The following FLRT2 variants were observed in gnomAD, a reference collection of about 807,000 sequenced individuals.
FLRT2 encodes the protein fibronectin leucine rich transmembrane protein 2, also known as leucine-rich repeat transmembrane protein FLRT2.
Under a neutral mutation model 40.0 loss-of-function variants are expected in FLRT2, and 15 were observed. The observed-to-expected ratio is 0.38, with a 90% CI of 0.25 to 0.58. The LOEUF (loss-of-function observed/expected upper bound fraction) is 0.58, where lower values mean the gene tolerates loss of function less well. Ranked by LOEUF, FLRT2 falls within the 20% of genes least tolerant of loss-of-function variation. The pLI, the probability that FLRT2 is intolerant of heterozygous loss-of-function variation, is 0.71. For synonymous variants in FLRT2, 380 were observed against 336.8 expected, an observed-to-expected ratio of 1.13 and a Z score of -1.41; for missense variants, 726 against 840.0, an observed-to-expected ratio of 0.86 and a Z score of 1.68.
At chr14:85,541,129 A>G (rs946876232) in intron 1 of FLRT2, among the ~76,000 whole-genome samples, 1 of 152,192 alleles carries the variant, frequency 6.6e-6, no homozygotes, top group Non-Finnish European at 1.5e-5. Flanking sequence ...CTTTTTCCAA[A>G]TAGGTCTTAG....
intron 1 of FLRT2, among the ~76,000 whole-genome samples, chr14:85,579,951 A>G (rs1891311968): frequency 1.6e-5 from 1 of 64,338 alleles, no homozygotes; most frequent in Non-Finnish European, 3.4e-5. Context: ...TTTTTTTTAA[A>G]TAAGTGGTTA....
intron 1 of FLRT2, among the ~76,000 whole-genome samples, chr14:85,533,190 G>GGAGCGCGCCA (rs1304072811): frequency 6.6e-6 from 1 of 152,066 alleles, no homozygotes; most frequent in Admixed American, 6.6e-5. Context: ...CTCCAGGAGC[G>GGAGCGCGCCA]GAGCGCGCCA....
Position 85,621,493 on chromosome 14 carries a change from A to G in FLRT2, c.-22A>G, listed in dbSNP as rs749242316. The G allele has an allele frequency of 1.3e-6, 2 of 1,547,186 alleles. No homozygotes were observed. Among genetic ancestry groups the G allele is most frequent in the African/African-American group, 2.8e-5 (2 of 70,528 alleles). On this transcript the variant is annotated 5_prime_UTR_variant, in exon 2 of 2. Transcript: ENST00000330753. ...CTTTTTCTTTTTCCCACCACATTGT[A>G]TTTTATTTCCGTACTTCAGAAATGG...
chr14:85,534,527 T>A (rs972902836), intron 1 of FLRT2, among the ~76,000 whole-genome samples: 5 of 152,162 alleles, frequency 3.3e-5, no homozygotes, highest in Non-Finnish European at 5.9e-5. Context: ...AATAGGAACT[T>A]TAGAAGTTAC....
intron 1 of FLRT2, among the ~76,000 whole-genome samples, chr14:85,569,492 C>A (rs931289216): frequency 1.3e-5 from 2 of 152,154 alleles, no homozygotes; most frequent in African/African-American, 4.8e-5. Context: ...GCAGCAAACA[C>A]CACCCACACT....
chr14:85,649,335 A>T lies in FLRT2; in HGVS notation c.*25838A>T, dbSNP rs1720035298. 6.6e-6 allele frequency: 1 copy of T among 152,130 alleles called. No individual in the cohort carries two copies. The highest frequency in any genetic ancestry group is 1.5e-5 in the Non-Finnish European group (1 of 68,000). The allele number at this position is 152,130 out of a possible 1,614,324, so 9.4% of individuals were successfully genotyped here. On this transcript the variant is annotated 3_prime_UTR_variant, in exon 2 of 2. Coordinates refer to ENST00000330753, the MANE Select transcript of FLRT2 (RefSeq NM_013231.6). ...CTGAAGCAGATAAAATATGTTGCAG[A>T]TGCTGTAACTCTTATTTGCATCCAT... is the stretch of plus-strand genomic sequence containing the variant.
At chr14:85,532,666 A>G (rs990360661) in intron 1 of FLRT2, among the ~76,000 whole-genome samples, 1 of 152,156 alleles carries the variant, frequency 6.6e-6, no homozygotes. Context: ...AATTAATCCT[A>G]TTAAATTTTG....
Position 85,649,698 on chromosome 14 carries a change from A to C in FLRT2, c.*26201A>C, listed in dbSNP as rs2139409376. 1 of 152,150 alleles carries C rather than the reference A, an allele frequency of 6.6e-6. No individual in the cohort carries two copies. The highest frequency in any genetic ancestry group is 1.5e-5 in the Non-Finnish European group (1 of 67,964). 9.4% of individuals were successfully genotyped at this position (152,150 alleles called of 1,614,324 possible). On this transcript the variant is annotated 3_prime_UTR_variant, in exon 2 of 2. Transcript: ENST00000330753. ...CTATCCACACTTTTCCTCACTATAA[A>C]ATTTAATGAACCTTATATCATTAAT...
chr14:85,578,630 T>C (rs572425164), intron 1 of FLRT2, among the ~76,000 whole-genome samples: 10 of 152,238 alleles, frequency 6.6e-5, no homozygotes, highest in South Asian at 4.2e-4. Context: ...CATCGTAGCA[T>C]CGTGGGGAGA....
In FLRT2 at chr14:85,623,413, C is replaced by T; in HGVS notation, c.1899C>T (p.Gly633=). The change falls in exon 2 of 2, where the codon GGC becomes GGT. Residue 633 remains glycine, a synonymous_variant. Transcript: ENST00000330753. The stretch of plus-strand genomic sequence containing the variant: ...AGCCCATTTACACCCCAAATGGGGG[C>T]ATTAATTACACAGACTGCCATATCC... The part of the protein sequence containing the change: ...RLQPIYTPNG[G]INYTDCHIPN... 1 of 1,504,040 alleles carries T rather than the reference C, an allele frequency of 6.6e-7. No homozygotes were observed. Among genetic ancestry groups the T allele is most frequent in the Non-Finnish European group, 8.9e-7 (1 of 1,129,146 alleles). 93.2% of individuals were successfully genotyped at this position (1,504,040 alleles called of 1,614,324 possible).
At chr14:85,591,163 T>C (rs1891867780) in intron 1 of FLRT2, among the ~76,000 whole-genome samples, 1 of 152,234 alleles carries the variant, frequency 6.6e-6, no homozygotes, top group African/African-American at 2.4e-5. Context: ...GCAAATATAA[T>C]TTTTGGAAAA....
At chr14:85,567,315 A>G (rs185499801) in intron 1 of FLRT2, among the ~76,000 whole-genome samples, 208 of 152,248 alleles carry the variant, frequency 1.4e-3, no homozygotes, top group African/African-American at 4.8e-3. Context: ...GGAATCTCGA[A>G]GCTTCCTTCG....
chr14:85,571,737 C>T (rs543137482), intron 1 of FLRT2, among the ~76,000 whole-genome samples: 1 of 152,178 alleles, frequency 6.6e-6, no homozygotes, highest in African/African-American at 2.4e-5. Flanking sequence ...GGACCTTTTT[C>T]GCTCATCAAG....
Position 85,624,118 on chromosome 14 carries a change from G to A in FLRT2, c.*621G>A, listed in dbSNP as rs1020791424. 1.2e-5 allele frequency: 2 copies of A among 166,998 alleles called. No individual in the cohort carries two copies. The highest frequency in any genetic ancestry group is 1.3e-4 in the Admixed American group (2 of 15,290). 10.3% of individuals were successfully genotyped at this position (166,998 alleles called of 1,614,324 possible). On this transcript the variant is annotated 3_prime_UTR_variant, in exon 2 of 2. Transcript: ENST00000330753. ...CCGGCCTGACAGAATCAAGAAAATT[G>A]AGATGAGATTTGAAAGGACCCGAAA...
Position 85,654,201 on chromosome 14 carries a change from A to G in FLRT2, c.*30704A>G, listed in dbSNP as rs1035206694. ...TTTTTTTAATTGTGATTTGTTTATG[A>G]CTAACAGCATGGATTTGAGACAGTT... On this transcript the variant is annotated 3_prime_UTR_variant, in exon 2 of 2. Coordinates refer to ENST00000330753, the MANE Select transcript of FLRT2 (RefSeq NM_013231.6). 2 of 152,140 alleles carry G rather than the reference A, an allele frequency of 1.3e-5. No individual in the cohort carries two copies. The highest frequency in any genetic ancestry group is 2.9e-5 in the Non-Finnish European group (2 of 68,018). 9.4% of individuals were successfully genotyped at this position (152,140 alleles called of 1,614,324 possible). A position where few individuals can be genotyped will look rare whatever the true frequency, so the allele number is the denominator to read the frequency against.
intron 1 of FLRT2, among the ~76,000 whole-genome samples, chr14:85,571,287 C>T (rs375102749): frequency 6.1e-4 from 93 of 152,130 alleles, no homozygotes; most frequent in African/African-American, 2.1e-3. Context: ...AAATTATCAC[C>T]TTATATAATA....
chr14:85,618,086 A>T (rs1893214280), intron 1 of FLRT2, among the ~76,000 whole-genome samples: 1 of 152,242 alleles, frequency 6.6e-6, no homozygotes, highest in African/African-American at 2.4e-5. Flanking sequence ...TGGAAAATTT[A>T]CGATCTGGAT....
At position 85,627,340 on chromosome 14, in the gene FLRT2, GGC is replaced by G. The variant is rs1170166905; in HGVS notation, c.*3844_*3845del. 3 of 167,030 alleles carry G rather than the reference GGC, an allele frequency of 1.8e-5. No individual in the cohort carries two copies. Among genetic ancestry groups the G allele is most frequent in the Admixed American group, 6.5e-5 (1 of 15,282 alleles). The allele number at this position is 167,030 out of a possible 1,614,324, so 10.3% of individuals were successfully genotyped here. A position where few individuals can be genotyped will look rare whatever the true frequency, so the allele number is the denominator to read the frequency against. On this transcript the variant is annotated 3_prime_UTR_variant, in exon 2 of 2. Transcript: ENST00000330753. ...AAAGTCAAAATATGAATGCTAAGAAGGCATAACCTACATCCTTCTCTGATTTC... is the reference window on the plus strand; with the variant it reads ...AAAGTCAAAATATGAATGCTAAGAAGATAACCTACATCCTTCTCTGATTTC...
intron 1 of FLRT2, among the ~76,000 whole-genome samples, chr14:85,596,856 A>T (rs1373732133): frequency 6.6e-6 from 1 of 152,152 alleles, no homozygotes; most frequent in Admixed American, 6.5e-5. Context: ...GGGAGAGAGC[A>T]TATGGCCTTA....
Sources: gnomAD v4.1 joint callset for allele counts (sites outside exome capture counted in the v4.1 genomes callset) on GRCh38, gnomAD v4.1.1 for gene constraint, MANE v1.5 for transcripts, NCBI Gene and HGNC (gene_info 2026-07-23, HGNC 2026-07-21) for gene names.